Variants in SLFN5 observed in about 807,000 individuals in gnomAD.
SLFN5 encodes the protein schlafen family member 5.
A neutral mutation model predicts 48.5 loss-of-function variants in SLFN5; 34 were observed. The observed-to-expected ratio is 0.70, with a 90% confidence interval of 0.53 to 0.93. The LOEUF is 0.93. Among genes scored for constraint, SLFN5 ranks in the 40% least tolerant of loss-of-function variants. SLFN5 has a pLI of 0.00. For missense variants in SLFN5, 1,006 were observed against 1,071.3 expected, an observed-to-expected ratio of 0.94 and a Z score of 0.85; for synonymous variants, 387 against 396.2, an observed-to-expected ratio of 0.98 and a Z score of 0.28.
In SLFN5 at chr17:35,259,757, G is replaced by A. The variant is rs765013013; in HGVS notation, c.1012+55G>A. On this transcript the variant is annotated intron_variant, in intron 2 of 4. Transcript: ENST00000299977. ...ATGTTTGCTGGCAGCAAGGCAGGGC[G>A]GGTCAGAGAGGAAAGAGGGATATGG... is the stretch of plus-strand genomic sequence containing the variant. The A allele has an allele frequency of 2.0e-4, 313 of 1,566,084 alleles. No homozygotes were observed. The African/African-American group carries it at 2.4e-3, about 12-fold the overall frequency.
intron 1 of SLFN5, among the ~76,000 whole-genome samples, chr17:35,257,285 C>T (rs994531888): frequency 3.9e-5 from 6 of 152,112 alleles, no homozygotes; most frequent in African/African-American, 7.2e-5. Flanking sequence ...GTTTGGGGTA[C>T]GAAATCACCT....
intron 3 of SLFN5, among the ~76,000 whole-genome samples, chr17:35,263,696 G>A (rs539183066): frequency 1.3e-5 from 2 of 151,628 alleles, no homozygotes; most frequent in African/African-American, 4.8e-5. Context: ...GGTGGCACAC[G>A]CCTTTGGTCC....
At chr17:35,250,575 G>A (rs2092440074) in intron 1 of SLFN5, among the ~76,000 whole-genome samples, 1 of 151,884 alleles carries the variant, frequency 6.6e-6, no homozygotes, top group Non-Finnish European at 1.5e-5. Flanking sequence ...CAGGAGAATG[G>A]CGTGAACCCG....
At chr17:35,250,460 T>G (rs1053270074) in intron 1 of SLFN5, among the ~76,000 whole-genome samples, 1 of 152,026 alleles carries the variant, frequency 6.6e-6, no homozygotes, top group Non-Finnish European at 1.5e-5. Flanking sequence ...ATCAAGACCA[T>G]CCTGGCTAAA....
At chr17:35,261,183 T>C in intron 3 of SLFN5, 87 bp downstream of exon 3, 2 of 1,462,754 alleles carry the variant, frequency 1.4e-6, no homozygotes, top group Non-Finnish European at 1.8e-6. Context: ...ATATACAGAA[T>C]CAATTCCAGA....
intron 1 of SLFN5, among the ~76,000 whole-genome samples, chr17:35,250,431 G>A (rs974131180): frequency 1.3e-5 from 2 of 152,066 alleles, no homozygotes; most frequent in East Asian, 1.9e-4. Context: ...AGGCCGAGGC[G>A]GGCGGATCAC....
intron 1 of SLFN5, among the ~76,000 whole-genome samples, chr17:35,249,674 C>T (rs2092438096): frequency 6.6e-6 from 1 of 152,220 alleles, no homozygotes; most frequent in South Asian, 2.1e-4. Context: ...ATTCCTTCCT[C>T]CTCTTTGATA....
rs369742287 is a variant in SLFN5 at position 35,259,024 on chromosome 17, A to G, written c.334A>G (p.Thr112Ala). The G allele has an allele frequency of 1.8e-5, 29 of 1,614,056 alleles. No individual in the cohort carries two copies. Among genetic ancestry groups the G allele is most frequent in the Non-Finnish European group, 2.5e-5 (29 of 1,180,040 alleles). ...WNTEAGVPLA[T>A]LCSNLYHRER... The stretch of plus-strand genomic sequence containing the variant: ...CACAGAGGCTGGTGTGCCACTTGCT[A>G]CCTTATGCTCCAATTTGTACCACAG... Residue 112 changes from threonine to alanine, a missense_variant, in exon 2 of 5, where the codon ACC becomes GCC. Coordinates refer to ENST00000299977, the MANE Select transcript of SLFN5 (RefSeq NM_144975.4).
Position 35,259,475 on chromosome 17 carries a change from TACCTGTCCATCATTTCTGC to T in SLFN5, c.788_806del (p.Pro263HisfsTer6). 3 of 1,614,236 alleles carry T rather than the reference TACCTGTCCATCATTTCTGC, an allele frequency of 1.9e-6. No homozygotes were observed. Among genetic ancestry groups the T allele is most frequent in the Non-Finnish European group, 2.5e-6 (3 of 1,180,034 alleles). On this transcript the variant is annotated frameshift_variant, in exon 2 of 5. Transcript: ENST00000299977. LOFTEE classifies it high-confidence loss of function. ...TCTATTGATGGCTGTATTAAGAAGCTACCTGTCCATCATTTCTGCACACAGAGGCCTGAGATAAAATATG... is the reference window on the plus strand; with the variant it reads ...TCTATTGATGGCTGTATTAAGAAGCTACACAGAGGCCTGAGATAAAATATG...
Position 35,265,195 on chromosome 17 carries a change from G to A in SLFN5, c.1983G>A (p.Trp661Ter), listed in dbSNP as rs780648209. The change falls in exon 5 of 5, where the codon TGG becomes TGA. Residue 661 changes from tryptophan to a stop codon, truncating the protein, a stop_gained. Transcript: ENST00000299977. LOFTEE classifies it low-confidence loss of function (END_TRUNC). ...ATTTCCGTACTGAAGATGGGGACTG[G>A]TATGGGAAAGCAAAGTTCATCACTC... is the stretch of plus-strand genomic sequence containing the variant. ...AQNFRTEDGD[W>*]YGKAKFITQT... 1.2e-6 allele frequency: 2 copies of A among 1,614,186 alleles called. No homozygotes were observed. Among genetic ancestry groups the A allele is most frequent in the Non-Finnish European group, 1.7e-6 (2 of 1,180,028 alleles).
rs949282720 is a variant in SLFN5 at position 35,270,977 on chromosome 17, C to T, written c.*5089C>T. The T allele has an allele frequency of 6.6e-6, 1 of 151,994 alleles. No individual in the cohort carries two copies. The highest frequency in any genetic ancestry group is 6.6e-5 in the Admixed American group (1 of 15,252). The allele number at this position is 151,994 out of a possible 1,614,324, so 9.4% of individuals were successfully genotyped here. A position where few individuals can be genotyped will look rare whatever the true frequency, so the allele number is the denominator to read the frequency against. On this transcript the variant is annotated 3_prime_UTR_variant, in exon 5 of 5. Coordinates refer to ENST00000299977, the MANE Select transcript of SLFN5 (RefSeq NM_144975.4). ...AGAACATCAAAGATTCTTTTTTAAT[C>T]CTAAAAGAAAAAGTTTGGAAAATCT...
At chr17:35,250,924 A>G (rs1327127672) in intron 1 of SLFN5, among the ~76,000 whole-genome samples, 1 of 152,210 alleles carries the variant, frequency 6.6e-6, no homozygotes, top group Non-Finnish European at 1.5e-5. Context: ...AGATTATCCG[A>G]AGTTATTGTA....
chr17:35,266,141 G>GGT lies in SLFN5; in HGVS notation c.*253_*254insGT, dbSNP rs770741775. 8.1e-3 allele frequency: 2,877 copies of GGT among 353,250 alleles called. 59 individuals carry two copies. The highest frequency in any genetic ancestry group is 0.012 in the African/African-American group (486 of 39,346). The allele number at this position is 353,250 out of a possible 1,614,324, so 21.9% of individuals were successfully genotyped here. A position where few individuals can be genotyped will look rare whatever the true frequency, so the allele number is the denominator to read the frequency against. Reference sequence around the variant, plus strand: ...TAATTAGAGGACCGTGAGACTCAGAGATGTGTGTGTGTGTGTGTGTGTGTG... The same window carrying GGT: ...TAATTAGAGGACCGTGAGACTCAGAGGTATGTGTGTGTGTGTGTGTGTGTGTG... On this transcript the variant is annotated 3_prime_UTR_variant, in exon 5 of 5. Coordinates refer to ENST00000299977, the MANE Select transcript of SLFN5 (RefSeq NM_144975.4).
In SLFN5 at chr17:35,244,189, T is replaced by G. The variant is rs140483350; in HGVS notation, c.-41+1046T>G. Reference sequence around the variant, plus strand: ...ATTATATTGCTAGAAAAAGGAATATTGGGCAAAAAGTGGGTAGTTAACATA... The same window carrying G: ...ATTATATTGCTAGAAAAAGGAATATGGGGCAAAAAGTGGGTAGTTAACATA... On this transcript the variant is annotated intron_variant, in intron 1 of 4. Coordinates refer to ENST00000299977, the MANE Select transcript of SLFN5 (RefSeq NM_144975.4). Among the ~76,000 whole-genome samples, 964 of 152,196 alleles carry G rather than the reference T, an allele frequency of 6.3e-3. 7 individuals carry two copies. Among genetic ancestry groups the G allele is most frequent in the Middle Eastern group, 0.044 (13 of 294 alleles).
Position 35,264,611 on chromosome 17 carries a change from C to G in SLFN5, c.1567C>G (p.Pro523Ala). 1 of 1,614,170 alleles carries G rather than the reference C, an allele frequency of 6.2e-7. No individual in the cohort carries two copies. The highest frequency in any genetic ancestry group is 8.5e-7 in the Non-Finnish European group (1 of 1,180,042). ...IYPESYNFMT[P>A]QHMEALLQSL... ...CCCTGAATCCTATAACTTCATGACCCCCCAGCACATGGAAGCCCTGTTACA... is the reference window on the plus strand; with the variant it reads ...CCCTGAATCCTATAACTTCATGACCGCCCAGCACATGGAAGCCCTGTTACA... The change falls in exon 4 of 5, where the codon CCC (proline) becomes GCC (alanine). Residue 523 changes from proline to alanine, a missense_variant. Coordinates refer to ENST00000299977, the MANE Select transcript of SLFN5 (RefSeq NM_144975.4).
rs1904451226 is a variant in SLFN5 at position 35,259,404 on chromosome 17, G to A, written c.714G>A (p.Val238=). The A allele has an allele frequency of 1.9e-5, 30 of 1,614,100 alleles. No individual in the cohort carries two copies. In the East Asian group the frequency reaches 6.7e-4, roughly 36 times the overall value. ...FFGVHDETCQ[V]IGCEKEKIDL... is the part of the protein sequence containing the mutation. Reference sequence around the variant, plus strand: ...GTGTGCATGATGAGACTTGTCAAGTGATTGGATGTGAAAAAGAGAAAATAG... The same window carrying A: ...GTGTGCATGATGAGACTTGTCAAGTAATTGGATGTGAAAAAGAGAAAATAG... Residue 238 remains valine (V), a synonymous_variant, in exon 2 of 5, where the codon GTG becomes GTA. Coordinates refer to ENST00000299977, the MANE Select transcript of SLFN5 (RefSeq NM_144975.4).
In SLFN5 at chr17:35,264,349, G is replaced by A. The variant is rs1904610249; in HGVS notation, c.1305G>A (p.Gln435=). The change falls in exon 4 of 5, where the codon CAG becomes CAA. Residue 435 remains glutamine, a synonymous_variant. Coordinates refer to ENST00000299977, the MANE Select transcript of SLFN5 (RefSeq NM_144975.4). ...TGGATTTAGGTCTGCAAGAGAAGCAGGGAGTCATCTGTGATGCTCTTCTAA... is the reference window on the plus strand; with the variant it reads ...TGGATTTAGGTCTGCAAGAGAAGCAAGGAGTCATCTGTGATGCTCTTCTAA... ...WAVDLGLQEK[Q]GVICDALLIS... 9 of 1,614,038 alleles carry A rather than the reference G, an allele frequency of 5.6e-6. No homozygotes were observed. Among genetic ancestry groups the A allele is most frequent in the Non-Finnish European group, 7.6e-6 (9 of 1,180,040 alleles).
At position 35,266,012 on chromosome 17, in the gene SLFN5, G is replaced by A. The variant is rs1447656231; in HGVS notation, c.*124G>A. 10 of 1,018,058 alleles carry A rather than the reference G, an allele frequency of 9.8e-6. No individual in the cohort carries two copies. Among genetic ancestry groups the A allele is most frequent in the South Asian group, 8.8e-5 (5 of 56,756 alleles). 63.1% of individuals were successfully genotyped at this position (1,018,058 alleles called of 1,614,324 possible). ...GTCACATACTTTTCTAGGTGCTGGG[G>A]ATTGAGAACGAATCGATGTAAGATT... On this transcript the variant is annotated 3_prime_UTR_variant, in exon 5 of 5. Transcript: ENST00000299977.
rs778126272 is a variant in SLFN5 at position 35,265,356 on chromosome 17, C to G, written c.2144C>G (p.Ala715Gly). Residue 715 changes from alanine (A) to glycine (G), a missense_variant, in exon 5 of 5, where the codon GCA becomes GGA. Coordinates refer to ENST00000299977, the MANE Select transcript of SLFN5 (RefSeq NM_144975.4). ...GAGATCAACAGAGTGGTCCGCAATG[C>G]AGGTCCAATAGCTAATTACCTACAA... The part of the protein sequence containing the change: ...REEINRVVRN[A>G]GPIANYLQQV... 2 of 1,614,044 alleles carry G rather than the reference C, an allele frequency of 1.2e-6. No individual in the cohort carries two copies. Among genetic ancestry groups the G allele is most frequent in the East Asian group, 2.2e-5 (1 of 44,890 alleles).
Sources: gnomAD v4.1 joint callset for allele counts (sites outside exome capture counted in the v4.1 genomes callset) on GRCh38, gnomAD v4.1.1 for gene constraint, MANE v1.5 for transcripts, NCBI Gene and HGNC (gene_info 2026-07-23, HGNC 2026-07-21) for gene names.